Variants in GPC5 observed in about 807,000 individuals in gnomAD.
GPC5 encodes the protein glypican 5.
GPC5 carries 47 observed loss-of-function variants against 53.9 expected under a neutral mutation model. That is an observed-to-expected ratio of 0.87 (90% CI 0.69 to 1.11). The LOEUF is 1.11. Among genes scored for constraint, GPC5 ranks in the 50% most tolerant of loss-of-function variants. The pLI is 0.00. For synonymous variants in GPC5, 286 were observed against 263.3 expected (o/e 1.09, Z -0.84); for missense variants, 748 against 713.1 (o/e 1.05, Z -0.56).
chr13:92,655,328 TA>T, intron 7 of GPC5, among the ~76,000 whole-genome samples: 1 of 137,110 alleles, frequency 7.3e-6, no homozygotes, highest in South Asian at 2.6e-4. Flanking sequence ...TTTATTTATT[TA>T]TTTTATTTTT....
At chr13:91,882,466 G>A (rs1434129859) in intron 5 of GPC5, among the ~76,000 whole-genome samples, 2 of 151,658 alleles carry the variant, frequency 1.3e-5, no homozygotes, top group Non-Finnish European at 2.9e-5. Flanking sequence ...TTTTCCATGC[G>A]ATTATTTTTC....
chr13:91,494,282 T>G (rs776454577), intron 2 of GPC5, among the ~76,000 whole-genome samples: 2 of 151,544 alleles, frequency 1.3e-5, no homozygotes, highest in Non-Finnish European at 2.9e-5. Context: ...CCTCTCTTTT[T>G]CTTAAGCAAA....
intron 7 of GPC5, among the ~76,000 whole-genome samples, chr13:92,840,035 A>C (rs1186036542): frequency 6.9e-6 from 1 of 145,854 alleles, no homozygotes; most frequent in Non-Finnish European, 1.5e-5. Context: ...TTTTACTTAT[A>C]TATCCAAGAA....
intron 5 of GPC5, among the ~76,000 whole-genome samples, chr13:91,853,939 A>G (rs2038940293): frequency 6.6e-6 from 1 of 151,856 alleles, no homozygotes; most frequent in Non-Finnish European, 1.5e-5. Flanking sequence ...ACTTTTATTG[A>G]TTTGTATTCC....
chr13:91,793,609 C>T (rs1398027576), intron 5 of GPC5, among the ~76,000 whole-genome samples: 1 of 152,056 alleles, frequency 6.6e-6, no homozygotes, highest in African/African-American at 2.4e-5. Context: ...TGTATTAGTC[C>T]ATTTTCACAC....
intron 5 of GPC5, among the ~76,000 whole-genome samples, chr13:91,860,508 C>T (rs2039015574): frequency 2.1e-5 from 3 of 145,538 alleles, no homozygotes; most frequent in African/African-American, 5.1e-5. Flanking sequence ...TTCTTTCTTT[C>T]TTCTTTTTCT....
intron 7 of GPC5, among the ~76,000 whole-genome samples, chr13:92,631,637 T>C (rs1172089957): frequency 2.6e-5 from 4 of 152,210 alleles, no homozygotes; most frequent in Non-Finnish European, 5.9e-5. Flanking sequence ...AAACTGCAAC[T>C]GCTTTTGCGC....
chr13:91,657,465 C>T (rs924623092), intron 2 of GPC5, among the ~76,000 whole-genome samples: 1 of 152,068 alleles, frequency 6.6e-6, no homozygotes, highest in African/African-American at 2.4e-5. Context: ...TGTCACAGCT[C>T]AGAGTGGGTT....
At chr13:91,762,327 A>G (rs561592271) in intron 5 of GPC5, among the ~76,000 whole-genome samples, 21 of 145,630 alleles carry the variant, frequency 1.4e-4, no homozygotes, top group African/African-American at 5.4e-4. Flanking sequence ...TTTTTCTTTT[A>G]CCCATTATCT....
chr13:92,305,029 A>T (rs985131874), intron 7 of GPC5, among the ~76,000 whole-genome samples: 2 of 152,256 alleles, frequency 1.3e-5, no homozygotes, highest in African/African-American at 4.8e-5. Context: ...TAAATAGAAA[A>T]AACTTTTTAT....
intron 7 of GPC5, among the ~76,000 whole-genome samples, chr13:92,522,329 T>G (rs1185334525): frequency 1.3e-5 from 2 of 152,142 alleles, no homozygotes; most frequent in Non-Finnish European, 2.9e-5. Flanking sequence ...GTATGTTTAT[T>G]GTGGCACTAT....
At chr13:92,113,741 C>A (rs2041576799) in intron 6 of GPC5, among the ~76,000 whole-genome samples, 1 of 149,354 alleles carries the variant, frequency 6.7e-6, no homozygotes, top group African/African-American at 2.5e-5. Flanking sequence ...TTTTTTTTTT[C>A]ACTGCTACAT....
chr13:91,939,559 T>A (rs1161813759), intron 6 of GPC5, among the ~76,000 whole-genome samples: 2 of 152,082 alleles, frequency 1.3e-5, no homozygotes, highest in African/African-American at 2.4e-5. Flanking sequence ...ATGTGTATAG[T>A]TTTCCCAAGC....
intron 7 of GPC5, among the ~76,000 whole-genome samples, chr13:92,515,456 G>C (rs1327704389): frequency 6.6e-6 from 1 of 152,166 alleles, no homozygotes; most frequent in African/African-American, 2.4e-5. Flanking sequence ...CTTGACACCA[G>C]TATGGTATGA....
At chr13:91,733,291 C>T (rs994926053) in intron 4 of GPC5, among the ~76,000 whole-genome samples, 1 of 152,070 alleles carries the variant, frequency 6.6e-6, no homozygotes, top group African/African-American at 2.4e-5. Context: ...TGCACCACCA[C>T]ACCTGGCTAA....
At chr13:92,747,250 T>G (rs565513423) in intron 7 of GPC5, among the ~76,000 whole-genome samples, 1 of 152,262 alleles carries the variant, frequency 6.6e-6, no homozygotes, top group East Asian at 1.9e-4. Flanking sequence ...AGTTATTTTA[T>G]CCCCATTTTA....
intron 5 of GPC5, among the ~76,000 whole-genome samples, chr13:91,784,199 A>G (rs1001551002): frequency 6.6e-6 from 1 of 152,230 alleles, no homozygotes; most frequent in Non-Finnish European, 1.5e-5. Flanking sequence ...TGATAGTTAA[A>G]AAGTGTCATG....
intron 2 of GPC5, among the ~76,000 whole-genome samples, chr13:91,676,729 T>C (rs568674034): frequency 6.6e-6 from 1 of 152,322 alleles, no homozygotes; most frequent in South Asian, 2.1e-4. Flanking sequence ...GTTTGGAGGC[T>C]TTTGAAAACA....
intron 7 of GPC5, among the ~76,000 whole-genome samples, chr13:92,753,190 G>A (rs944401045): frequency 2.1e-4 from 32 of 152,136 alleles, no homozygotes; most frequent in South Asian, 4.2e-4. Flanking sequence ...CCTGACCCCC[G>A]AGCAGCCTAA....
Sources: gnomAD v4.1 joint callset for allele counts (sites outside exome capture counted in the v4.1 genomes callset) on GRCh38, gnomAD v4.1.1 for gene constraint, MANE v1.5 for transcripts, NCBI Gene and HGNC (gene_info 2026-07-23, HGNC 2026-07-21) for gene names.